The following CFAP299 variants were observed in gnomAD, a reference collection of about 807,000 sequenced individuals.
The protein encoded by CFAP299 is cilia- and flagella-associated protein 299.
In CFAP299, 21 loss-of-function variants were observed where a neutral mutation model predicts 27.0. The observed-to-expected ratio is 0.78, with a 90% CI of 0.55 to 1.12. The LOEUF (loss-of-function observed/expected upper bound fraction) is 1.12. CFAP299 is among the 50% of genes most tolerant of loss of function. CFAP299 has a pLI of 0.00. For synonymous variants in CFAP299, 104 were observed against 98.1 expected, an observed-to-expected ratio of 1.06 and a Z score of -0.36; for missense variants, 310 against 276.6, an observed-to-expected ratio of 1.12 and a Z score of -0.86.
chr4:80,771,395 G>C (rs1467961544), intron 3 of CFAP299, among the ~76,000 whole-genome samples: 1 of 152,088 alleles, frequency 6.6e-6, no homozygotes, highest in Non-Finnish European at 1.5e-5. Context: ...TACATATATA[G>C]ATATTAATTA....
chr4:80,597,183 G>A (rs866441993), intron 3 of CFAP299, among the ~76,000 whole-genome samples: 1 of 151,786 alleles, frequency 6.6e-6, no homozygotes, highest in Non-Finnish European at 1.5e-5. Flanking sequence ...GTATAAATTC[G>A]GAGCAACTGT....
At chr4:80,896,006 A>AT (rs1410101026) in intron 4 of CFAP299, among the ~76,000 whole-genome samples, 2 of 152,004 alleles carry the variant, frequency 1.3e-5, no homozygotes, top group Non-Finnish European at 2.9e-5. Context: ...TTTTAATTTT[A>AT]TTTTTGATGT....
chr4:80,547,978 A>G (rs762037860), intron 2 of CFAP299, among the ~76,000 whole-genome samples: 1 of 152,194 alleles, frequency 6.6e-6, no homozygotes, highest in Non-Finnish European at 1.5e-5. Flanking sequence ...GATTTCACCA[A>G]GAACTTAAAA....
intron 4 of CFAP299, among the ~76,000 whole-genome samples, chr4:80,918,142 G>A (rs957340559): frequency 1.4e-4 from 21 of 152,136 alleles, no homozygotes; most frequent in Non-Finnish European, 2.4e-4. Flanking sequence ...CACCTTAAAT[G>A]TCAGTATCTT....
intron 3 of CFAP299, among the ~76,000 whole-genome samples, chr4:80,743,290 T>G (rs889661176): frequency 6.6e-6 from 1 of 151,022 alleles, no homozygotes; most frequent in Non-Finnish European, 1.5e-5. Flanking sequence ...AACAAAAAAG[T>G]AGGAGGAAGA....
intron 3 of CFAP299, among the ~76,000 whole-genome samples, chr4:80,856,394 G>A (rs990633171): frequency 2.6e-5 from 4 of 151,272 alleles, no homozygotes; most frequent in African/African-American, 9.8e-5. Context: ...CTGTGCAGAA[G>A]CTCTTTAGTT....
intron 2 of CFAP299, among the ~76,000 whole-genome samples, chr4:80,553,942 G>C (rs371369393): frequency 2.0e-5 from 3 of 152,072 alleles, no homozygotes; most frequent in Admixed American, 1.3e-4. Flanking sequence ...TCTGTAGCTT[G>C]TCTGTTTACT....
intron 2 of CFAP299, among the ~76,000 whole-genome samples, chr4:80,562,954 G>A (rs867103509): frequency 8.6e-5 from 13 of 151,850 alleles, no homozygotes; most frequent in African/African-American, 2.4e-5. Context: ...TACAAAGAAG[G>A]TCACTGTATA....
chr4:80,518,337 C>G (rs1358467132), intron 2 of CFAP299, among the ~76,000 whole-genome samples: 2 of 151,948 alleles, frequency 1.3e-5, no homozygotes, highest in African/African-American at 4.8e-5. Flanking sequence ...TCAAGGGTTC[C>G]CAAATAATTC....
At chr4:80,572,395 G>A (rs906576031) in intron 2 of CFAP299, among the ~76,000 whole-genome samples, 1 of 150,604 alleles carries the variant, frequency 6.6e-6, no homozygotes, top group African/African-American at 2.4e-5. Flanking sequence ...TTAGCTTCTA[G>A]CTTCCACAAA....
At chr4:80,539,995 G>A (rs895443574) in intron 2 of CFAP299, among the ~76,000 whole-genome samples, 2 of 151,588 alleles carry the variant, frequency 1.3e-5, no homozygotes, top group African/African-American at 4.9e-5. Flanking sequence ...TCTAGTTTTA[G>A]TATTTTGTGT....
chr4:80,954,686 G>C (rs768875680), intron 5 of CFAP299, among the ~76,000 whole-genome samples: 2 of 151,872 alleles, frequency 1.3e-5, no homozygotes, highest in African/African-American at 2.4e-5. Flanking sequence ...TATGCGGGGG[G>C]GACAACTTAT....
At chr4:80,644,922 C>G (rs1739919193) in intron 3 of CFAP299, among the ~76,000 whole-genome samples, 1 of 152,100 alleles carries the variant, frequency 6.6e-6, no homozygotes, top group South Asian at 2.1e-4. Flanking sequence ...CACCTCTACT[C>G]TTACTTATCT....
At chr4:80,546,436 C>G (rs1186051833) in intron 2 of CFAP299, among the ~76,000 whole-genome samples, 1 of 152,116 alleles carries the variant, frequency 6.6e-6, no homozygotes, top group Non-Finnish European at 1.5e-5. Flanking sequence ...TGAAAACTCT[C>G]TACAAGCAGA....
intron 3 of CFAP299, among the ~76,000 whole-genome samples, chr4:80,601,614 G>A (rs557591611): frequency 6.6e-6 from 1 of 152,102 alleles, no homozygotes; most frequent in African/African-American, 2.4e-5. Context: ...CCCTTTTCTA[G>A]ACTTTGGAAC....
intron 4 of CFAP299, among the ~76,000 whole-genome samples, chr4:80,921,693 CTG>C (rs1283572102): frequency 6.6e-6 from 1 of 151,974 alleles, no homozygotes; most frequent in Non-Finnish European, 1.5e-5. Context: ...CTGGTTAAAT[CTG>C]TGTGTGCAAA....
At chr4:80,340,030 G>T (rs1578329985) in intron 1 of CFAP299, among the ~76,000 whole-genome samples, 1 of 152,202 alleles carries the variant, frequency 6.6e-6, no homozygotes, top group Non-Finnish European at 1.5e-5. Context: ...TAGAAATGGG[G>T]AGGGGCCAAG....
chr4:80,625,843 A>G (rs1004700113), intron 3 of CFAP299, among the ~76,000 whole-genome samples: 3 of 152,034 alleles, frequency 2.0e-5, no homozygotes, highest in Non-Finnish European at 2.9e-5. Context: ...TATAACAATT[A>G]CAAATATATA....
At chr4:80,507,746 C>T (rs1732105892) in intron 2 of CFAP299, among the ~76,000 whole-genome samples, 1 of 152,100 alleles carries the variant, frequency 6.6e-6, no homozygotes, top group Non-Finnish European at 1.5e-5. Context: ...GCTCTTACAC[C>T]CTGAATACAC....
Sources: gnomAD v4.1 joint callset for allele counts (sites outside exome capture counted in the v4.1 genomes callset) on GRCh38, gnomAD v4.1.1 for gene constraint, MANE v1.5 for transcripts, NCBI Gene and HGNC (gene_info 2026-07-23, HGNC 2026-07-21) for gene names.